Variants in ADAMTSL3 observed in about 807,000 individuals in gnomAD.
ADAMTSL3 encodes ADAMTS like 3, also known as ADAMTS-like protein 3.
A neutral mutation model predicts 201.7 loss-of-function variants in ADAMTSL3; 128 were observed. The ratio of observed to expected loss-of-function variants is 0.63; its 90% CI spans 0.55 to 0.73. The LOEUF is 0.73. Among genes scored for constraint, ADAMTSL3 ranks in the 30% least tolerant of loss-of-function variants. The pLI is 0.00. For missense variants in ADAMTSL3, 1,990 were observed against 2,119.6 expected (o/e 0.94, Z 1.20); for synonymous variants, 738 against 748.4 (o/e 0.99, Z 0.23).
At chr15:83,957,471 T>C (rs1359538860) in intron 19 of ADAMTSL3, among the ~76,000 whole-genome samples, 3 of 152,184 alleles carry the variant, frequency 2.0e-5, no homozygotes, top group Admixed American at 1.3e-4. Context: ...CCTTGTTAGA[T>C]GGTGATTGGA....
intron 23 of ADAMTSL3, among the ~76,000 whole-genome samples, chr15:83,998,252 C>T (rs911231164): frequency 6.6e-6 from 1 of 152,114 alleles, no homozygotes; most frequent in Admixed American, 6.5e-5. Context: ...AGGGGTTGAC[C>T]AGCCTGGCCA....
chr15:83,674,613 G>T (rs886884321), intron 2 of ADAMTSL3, among the ~76,000 whole-genome samples: 1 of 148,254 alleles, frequency 6.7e-6, no homozygotes, highest in Admixed American at 6.8e-5. Flanking sequence ...TGTAAGTTTT[G>T]CTTGTCTATA....
chr15:83,882,652 G>A (rs1400618984), intron 9 of ADAMTSL3, among the ~76,000 whole-genome samples: 1 of 151,966 alleles, frequency 6.6e-6, no homozygotes, highest in Non-Finnish European at 1.5e-5. Context: ...TCTGATTATA[G>A]GTGAATAGCT....
At chr15:83,835,715 T>C (rs888316878) in intron 6 of ADAMTSL3, among the ~76,000 whole-genome samples, 5 of 152,252 alleles carry the variant, frequency 3.3e-5, no homozygotes, top group African/African-American at 1.2e-4. Context: ...ACTCATTGAT[T>C]GAATCTTGAC....
At chr15:83,897,136 A>G (rs1178017281) in intron 13 of ADAMTSL3, among the ~76,000 whole-genome samples, 1 of 152,214 alleles carries the variant, frequency 6.6e-6, no homozygotes, top group Non-Finnish European at 1.5e-5. Flanking sequence ...GATAAATTTG[A>G]AAAGCTATTC....
chr15:83,856,451 A>G (rs1048770123), intron 7 of ADAMTSL3, among the ~76,000 whole-genome samples: 4 of 152,124 alleles, frequency 2.6e-5, no homozygotes, highest in African/African-American at 9.7e-5. Flanking sequence ...TGCTAAGACT[A>G]TAGATGGGAG....
intron 3 of ADAMTSL3, among the ~76,000 whole-genome samples, chr15:83,709,089 A>G (rs1185367546): frequency 1.3e-5 from 2 of 152,216 alleles, no homozygotes; most frequent in Admixed American, 6.5e-5. Flanking sequence ...TGGGGATCTT[A>G]ATAGACCCCA....
chr15:83,766,065 C>G (rs893534312), intron 3 of ADAMTSL3, among the ~76,000 whole-genome samples: 1 of 146,560 alleles, frequency 6.8e-6, no homozygotes, highest in Non-Finnish European at 1.5e-5. Flanking sequence ...GATAGGGATA[C>G]ATGAGGTGCT....
intron 4 of ADAMTSL3, among the ~76,000 whole-genome samples, chr15:83,800,878 T>A (rs1023779982): frequency 6.6e-6 from 1 of 152,224 alleles, no homozygotes. Flanking sequence ...ACTTCTTCAC[T>A]TTTCCTATTA....
At chr15:83,786,550 A>G (rs917992095) in intron 4 of ADAMTSL3, among the ~76,000 whole-genome samples, 2 of 152,060 alleles carry the variant, frequency 1.3e-5, no homozygotes, top group African/African-American at 4.8e-5. Context: ...GATCTTATTC[A>G]TTCTATTGAA....
chr15:83,673,356 C>T (rs78701790), intron 2 of ADAMTSL3, among the ~76,000 whole-genome samples: 4,571 of 152,268 alleles, frequency 0.03, 86 homozygotes, highest in Middle Eastern at 0.048. Context: ...CATAATTGTA[C>T]GACACAGAGC....
chr15:83,960,034 C>G (rs1252685956), intron 19 of ADAMTSL3, among the ~76,000 whole-genome samples: 1 of 152,068 alleles, frequency 6.6e-6, no homozygotes, highest in Non-Finnish European at 1.5e-5. Context: ...AGCTGACATT[C>G]ATTTTTATTA....
Position 83,885,190 on chromosome 15 carries a change from C to G in ADAMTSL3, c.1050C>G (p.Pro350=). The G allele has an allele frequency of 6.2e-7, 1 of 1,613,786 alleles. No homozygotes were observed. Among genetic ancestry groups the G allele is most frequent in the Non-Finnish European group, 8.5e-7 (1 of 1,179,742 alleles). ...SHQWRQTDFF[P]CTVTCGGGYQ... is the part of the protein sequence containing the mutation. ...AGTGGAGACAAACTGACTTCTTTCC[C>G]TGCACTGTGACGTGTGGAGGAGGTG... The change falls in exon 10 of 30, where the codon CCC becomes CCG. Residue 350 remains proline (P), a synonymous_variant. Coordinates refer to ENST00000286744, the MANE Select transcript of ADAMTSL3 (RefSeq NM_207517.3).
chr15:83,824,005 TC>T (rs1359243013), intron 6 of ADAMTSL3, among the ~76,000 whole-genome samples: 3 of 147,638 alleles, frequency 2.0e-5, no homozygotes, highest in Non-Finnish European at 3.0e-5. Context: ...TCCTTCTTCT[TC>T]CTCTTCTTTC....
At chr15:83,801,969 T>C (rs2063531782) in intron 4 of ADAMTSL3, among the ~76,000 whole-genome samples, 1 of 151,890 alleles carries the variant, frequency 6.6e-6, no homozygotes, top group African/African-American at 2.4e-5. Context: ...ACAAAAGTAC[T>C]ATAAGCTTTC....
chr15:83,680,585 T>C (rs993269640), intron 2 of ADAMTSL3, among the ~76,000 whole-genome samples: 3 of 151,794 alleles, frequency 2.0e-5, no homozygotes, highest in African/African-American at 7.2e-5. Context: ...TCTTTTAGTT[T>C]TTCTGTTCCC....
intron 7 of ADAMTSL3, 142 bp downstream of exon 7, chr15:83,838,357 C>T: frequency 8.6e-7 from 1 of 1,156,474 alleles, no homozygotes; most frequent in Non-Finnish European, 1.2e-6. Context: ...GAAATTTCTT[C>T]CAAGAAGTGT....
Position 84,021,413 on chromosome 15 carries a change from C to T in ADAMTSL3, c.4277C>T (p.Pro1426Leu). Residue 1426 changes from proline to leucine, a missense_variant, in exon 26 of 30, where the codon CCT becomes CTT. Pro to Leu is a moderately conservative substitution (Grantham distance 98, BLOSUM62 -3). Transcript: ENST00000286744. The part of the protein sequence containing the change: ...DPTGEPPPQE[P>L]FWEPGNWSHC... ...ATATTTTGTTTTCTTTCTGCAGAGC[C>T]TTTTTGGGAGCCTGGTAACTGGTCA... 1 of 1,614,002 alleles carries T rather than the reference C, an allele frequency of 6.2e-7. No homozygotes were observed. The highest frequency in any genetic ancestry group is 8.5e-7 in the Non-Finnish European group (1 of 1,179,966).
chr15:83,683,950 A>G (rs1044800714), intron 2 of ADAMTSL3, among the ~76,000 whole-genome samples: 2 of 152,324 alleles, frequency 1.3e-5, no homozygotes, highest in African/African-American at 4.8e-5. Context: ...TTCTGCTTTT[A>G]GTAAAAACAT....
Sources: allele counts gnomAD v4.1 joint callset (sites outside exome capture counted in the v4.1 genomes callset), GRCh38; gene constraint gnomAD v4.1.1; transcripts MANE v1.5; gene names NCBI Gene and HGNC (gene_info 2026-07-23, HGNC 2026-07-21).